Variants in LRP1B observed in about 807,000 individuals in gnomAD.
LRP1B encodes the protein low-density lipoprotein receptor-related protein 1B.
Under a neutral mutation model 556.6 loss-of-function variants are expected in LRP1B, and 217 were observed. The observed-to-expected ratio is 0.39, with a 90% CI of 0.35 to 0.44. LRP1B has a LOEUF of 0.44. Among genes scored for constraint, LRP1B ranks in the 20% least tolerant of loss-of-function variants. LRP1B has a pLI of 1.00. For synonymous variants in LRP1B, 2,047 were observed against 1,865.8 expected, an observed-to-expected ratio of 1.10 and a Z score of -2.50; for missense variants, 5,053 against 5,620.8, an observed-to-expected ratio of 0.90 and a Z score of 3.23.
intron 67 of LRP1B, among the ~76,000 whole-genome samples, chr2:140,385,618 C>T (rs1342843113): frequency 6.6e-6 from 1 of 152,156 alleles, no homozygotes; most frequent in Non-Finnish European, 1.5e-5. Flanking sequence ...TCAAGGGTTT[C>T]CTTCATTGCA....
intron 1 of LRP1B, among the ~76,000 whole-genome samples, chr2:142,098,082 A>G (rs1213889313): frequency 6.6e-6 from 1 of 151,736 alleles, no homozygotes; most frequent in African/African-American, 2.4e-5. Context: ...ACAGACCTCT[A>G]ATAATGCCAG....
At chr2:141,431,174 A>G (rs1421172365) in intron 3 of LRP1B, among the ~76,000 whole-genome samples, 1 of 82,484 alleles carries the variant, frequency 1.2e-5, no homozygotes, top group Non-Finnish European at 2.7e-5. Context: ...AATGAAATAG[A>G]TTACCATAGA....
At chr2:141,177,988 T>C (rs1305648595) in intron 7 of LRP1B, among the ~76,000 whole-genome samples, 1 of 152,112 alleles carries the variant, frequency 6.6e-6, no homozygotes, top group Non-Finnish European at 1.5e-5. Flanking sequence ...CAAATTGAGC[T>C]TGATCATTAT....
intron 80 of LRP1B, 81 bp from the exon 81 acceptor site, chr2:140,324,147 T>G: frequency 1.2e-6 from 1 of 823,220 alleles, no homozygotes. Flanking sequence ...AAGACGATAT[T>G]GAAAACCTTA....
chr2:141,686,651 A>G (rs578255574), intron 2 of LRP1B, among the ~76,000 whole-genome samples: 1 of 151,992 alleles, frequency 6.6e-6, no homozygotes, highest in Non-Finnish European at 1.5e-5. Context: ...TCATTCATAT[A>G]TTCCCAATCT....
At chr2:140,421,144 A>T (rs1321489940) in intron 66 of LRP1B, among the ~76,000 whole-genome samples, 4 of 151,992 alleles carry the variant, frequency 2.6e-5, no homozygotes, top group African/African-American at 9.7e-5. Flanking sequence ...TAGTCCATCC[A>T]CTCGGGAGGC....
At chr2:141,627,707 G>C (rs1226062595) in intron 2 of LRP1B, among the ~76,000 whole-genome samples, 1 of 152,182 alleles carries the variant, frequency 6.6e-6, no homozygotes. Flanking sequence ...CCACGAAACT[G>C]GTTCCTGGTG....
chr2:140,888,831 C>T (rs937387268), intron 23 of LRP1B, among the ~76,000 whole-genome samples: 1 of 151,588 alleles, frequency 6.6e-6, no homozygotes, highest in Non-Finnish European at 1.5e-5. Flanking sequence ...GACATGGTGG[C>T]ATGTGCCTGT....
intron 32 of LRP1B, among the ~76,000 whole-genome samples, chr2:140,790,629 C>A (rs115178359): frequency 1.3e-5 from 2 of 152,098 alleles, no homozygotes; most frequent in African/African-American, 2.4e-5. Context: ...TGGGTGCAAG[C>A]CTTCTACTAG....
intron 32 of LRP1B, among the ~76,000 whole-genome samples, chr2:140,806,472 T>A (rs1690720357): frequency 6.6e-6 from 1 of 152,046 alleles, no homozygotes; most frequent in Non-Finnish European, 1.5e-5. Flanking sequence ...GTGCATATAG[T>A]AGAATAGCAG....
rs536883986 is a variant in LRP1B, at chr2:140,284,649, C to A, written c.12968-10051G>T. Among the ~76,000 whole-genome samples the A allele has an allele frequency of 1.8e-4, 28 of 151,518 alleles. No homozygotes were observed. In the South Asian group the frequency reaches 4.4e-3, roughly 24 times the overall value. ...TATATCCTTCCATCCTTATTTTCTT[C>A]CTTCTTTCAAGCTACCCACTTCAAA... On this transcript the variant is annotated intron_variant, in intron 84 of 90. Coordinates refer to ENST00000389484, the MANE Select transcript of LRP1B (RefSeq NM_018557.3).
At chr2:142,129,584 T>TTCTCTTTCTC (rs1707775640) in intron 1 of LRP1B, among the ~76,000 whole-genome samples, 3 of 134,736 alleles carry the variant, frequency 2.2e-5, no homozygotes, top group African/African-American at 8.3e-5. Context: ...CTTTCTCTCT[T>TTCTCTTTCTC]TCTCTCTCTC....
intron 41 of LRP1B, among the ~76,000 whole-genome samples, chr2:140,674,513 A>T (rs1159811874): frequency 6.6e-6 from 1 of 152,196 alleles, no homozygotes. Flanking sequence ...TTTAGATAAC[A>T]ATTGAACTCT....
At chr2:141,871,933 GAA>G (rs2105801169) in intron 1 of LRP1B, among the ~76,000 whole-genome samples, 1 of 152,046 alleles carries the variant, frequency 6.6e-6, no homozygotes, top group South Asian at 2.1e-4. Flanking sequence ...TACCCTAACT[GAA>G]AGAGTCAGCT....
chr2:141,290,567 G>A (rs1185150286), intron 3 of LRP1B, among the ~76,000 whole-genome samples: 1 of 152,076 alleles, frequency 6.6e-6, no homozygotes, highest in Non-Finnish European at 1.5e-5. Flanking sequence ...TGAGGAAGCA[G>A]TTTTATGTGG....
In LRP1B at chr2:140,567,121, T is replaced by C. The variant is rs181347936; in HGVS notation, c.7195-25150A>G. ...CACCCTGCCCCATAAGACAAACAAC[T>C]CTAATACTCCATTTCCCTAAAGCTC... On this transcript the variant is annotated intron_variant, in intron 43 of 90. Coordinates refer to ENST00000389484, the MANE Select transcript of LRP1B (RefSeq NM_018557.3). Among the ~76,000 whole-genome samples, 43 of 152,102 alleles carry C rather than the reference T, an allele frequency of 2.8e-4. 2 individuals carry two copies. Among genetic ancestry groups the C allele is most frequent in the African/African-American group, 9.9e-4 (41 of 41,522 alleles).
intron 18 of LRP1B, among the ~76,000 whole-genome samples, chr2:140,975,630 A>G (rs1283512232): frequency 6.6e-6 from 1 of 152,176 alleles, no homozygotes; most frequent in Non-Finnish European, 1.5e-5. Context: ...CACCAGACTC[A>G]TTGTGTGGTG....
intron 52 of LRP1B, among the ~76,000 whole-genome samples, chr2:140,507,556 A>C (rs1558930246): frequency 6.6e-6 from 1 of 152,342 alleles, no homozygotes; most frequent in Middle Eastern, 3.4e-3. Flanking sequence ...GATCCATGAA[A>C]GCAATGTTCC....
intron 20 of LRP1B, among the ~76,000 whole-genome samples, chr2:140,929,735 T>C (rs1694991788): frequency 7.1e-6 from 1 of 140,342 alleles, no homozygotes; most frequent in African/African-American, 2.6e-5. Flanking sequence ...CACTTAAAGT[T>C]TATACCACAG....
Sources: gnomAD v4.1 joint callset for allele counts (sites outside exome capture counted in the v4.1 genomes callset) on GRCh38, gnomAD v4.1.1 for gene constraint, MANE v1.5 for transcripts, NCBI Gene and HGNC (gene_info 2026-07-23, HGNC 2026-07-21) for gene names.